Variants in AKR1E2 observed in about 807,000 individuals in gnomAD.
AKR1E2 encodes the protein 1,5-anhydro-D-fructose reductase.
A neutral mutation model predicts 41.9 loss-of-function variants in AKR1E2; 43 were observed. The observed-to-expected ratio is 1.03, with a 90% CI of 0.80 to 1.32. The LOEUF is 1.32. Among genes scored for constraint, AKR1E2 ranks in the 40% most tolerant of loss-of-function variants. The probability of loss-of-function intolerance (pLI) is 0.00; values close to 1 mark genes in which losing one functional copy is unlikely to be tolerated. For synonymous variants in AKR1E2, 121 were observed against 138.9 expected (o/e 0.87, Z 0.91); for missense variants, 423 against 396.5 (o/e 1.07, Z -0.57).
At chr10:4,826,575 G>A (rs574204859) in intron 1 of AKR1E2, among the ~76,000 whole-genome samples, 4 of 152,200 alleles carry the variant, frequency 2.6e-5, no homozygotes, top group Admixed American at 1.3e-4. Flanking sequence ...GCTGCCCGCC[G>A]AGGCGCTCTC....
chr10:4,836,299 A>G (rs1833412273), intron 4 of AKR1E2, among the ~76,000 whole-genome samples: 2 of 152,058 alleles, frequency 1.3e-5, no homozygotes, highest in African/African-American at 2.4e-5. Flanking sequence ...GTGTCAGCCC[A>G]TTTCCAGGGT....
intron 6 of AKR1E2, among the ~76,000 whole-genome samples, 186 bp from the exon 7 acceptor site, chr10:4,841,599 C>T (rs1833878509): frequency 6.6e-6 from 1 of 152,094 alleles, no homozygotes; most frequent in Non-Finnish European, 1.5e-5. Context: ...AAAGTGTTAG[C>T]AGTGGTTATC....
intron 8 of AKR1E2, chr10:4,846,146 C>G: frequency 7.2e-6 from 2 of 276,506 alleles, no homozygotes; most frequent in South Asian, 3.5e-5. Flanking sequence ...CCCACTACCT[C>G]CAGATGACAC....
chr10:4,858,250 C>T, the AKR1E2 span, among the ~76,000 whole-genome samples: 1 of 152,058 alleles, frequency 6.6e-6, no homozygotes, highest in Non-Finnish European at 1.5e-5. Context: ...CAATTTTAGG[C>T]CATTTGAAAA....
chr10:4,870,074 C>T, the AKR1E2 span, among the ~76,000 whole-genome samples: 1 of 152,102 alleles, frequency 6.6e-6, no homozygotes, highest in African/African-American at 2.4e-5. Flanking sequence ...TTGATTAATA[C>T]ATAGCATTTT....
the AKR1E2 span, among the ~76,000 whole-genome samples, chr10:4,854,695 G>A: frequency 6.6e-6 from 1 of 152,132 alleles, no homozygotes; most frequent in Non-Finnish European, 1.5e-5. Context: ...CGGACTTTGG[G>A]TAAGTGGGGT....
the AKR1E2 span, among the ~76,000 whole-genome samples, chr10:4,861,661 G>T: frequency 1.3e-5 from 2 of 152,052 alleles, no homozygotes; most frequent in Non-Finnish European, 2.9e-5. Flanking sequence ...GAACCACCGC[G>T]CCTGGCCAAT....
intron 6 of AKR1E2, 101 bp from the exon 7 acceptor site, chr10:4,841,684 G>C (rs1055816497): frequency 1.1e-6 from 1 of 935,304 alleles, no homozygotes; most frequent in Admixed American, 3.1e-5. Flanking sequence ...GTCATGATCA[G>C]AAAATAAATC....
the AKR1E2 span, among the ~76,000 whole-genome samples, chr10:4,853,451 A>G: frequency 7.0e-6 from 1 of 143,318 alleles, no homozygotes; most frequent in Non-Finnish European, 1.6e-5. Context: ...CCAAAAAAAA[A>G]AAAAAAACCA....
chr10:4,865,907 T>C, the AKR1E2 span, among the ~76,000 whole-genome samples: 1 of 152,180 alleles, frequency 6.6e-6, no homozygotes, highest in Non-Finnish European at 1.5e-5. Context: ...TTTGGAATTC[T>C]GGGGGAAAAT....
chr10:4,860,629 G>A, the AKR1E2 span, among the ~76,000 whole-genome samples: 3 of 152,078 alleles, frequency 2.0e-5, no homozygotes, highest in South Asian at 2.1e-4. Flanking sequence ...TTACTAATAC[G>A]ATGTATACAT....
chr10:4,854,112 TA>T, the AKR1E2 span, among the ~76,000 whole-genome samples: 1 of 149,308 alleles, frequency 6.7e-6, no homozygotes, highest in Non-Finnish European at 1.5e-5. Context: ...TTTTTTTTTT[TA>T]GACAGAGTCA....
At chr10:4,856,920 C>A in the AKR1E2 span, among the ~76,000 whole-genome samples, 1 of 150,412 alleles carries the variant, frequency 6.6e-6, no homozygotes, top group Non-Finnish European at 1.5e-5. Flanking sequence ...CATTGTTGTG[C>A]AACCATCACC....
chr10:4,825,413 C>T (rs1324284160), upstream of AKR1E2, among the ~76,000 whole-genome samples: 1 of 152,158 alleles, frequency 6.6e-6, no homozygotes, highest in Non-Finnish European at 1.5e-5. Flanking sequence ...CCCTCTTTCC[C>T]TCCACTGGCC....
chr10:4,837,380 C>T (rs1833510931), intron 4 of AKR1E2, 79 bp from the exon 5 acceptor site: 1 of 1,522,902 alleles, frequency 6.6e-7, no homozygotes, highest in Non-Finnish European at 8.9e-7. Flanking sequence ...TTTAGAATAC[C>T]ATACAGAACT....
chr10:4,833,561 TC>T, intron 3 of AKR1E2, 95 bp downstream of exon 3: 1 of 1,083,048 alleles, frequency 9.2e-7, no homozygotes, highest in Non-Finnish European at 1.4e-6. Context: ...GGACCAGCAT[TC>T]AGGGCAGGGG....
At chr10:4,827,941 GT>G (rs2131485581) in intron 1 of AKR1E2, among the ~76,000 whole-genome samples, 1 of 152,206 alleles carries the variant, frequency 6.6e-6, no homozygotes, top group East Asian at 1.9e-4. Context: ...AGTGAAAACT[GT>G]GCTTAACAGG....
At chr10:4,864,291 C>G in the AKR1E2 span, among the ~76,000 whole-genome samples, 1 of 152,136 alleles carries the variant, frequency 6.6e-6, no homozygotes, top group African/African-American at 2.4e-5. Flanking sequence ...CCCTGGGATG[C>G]AAGGCTGGTT....
intron 1 of AKR1E2, 79 bp downstream of exon 1, chr10:4,826,442 G>A (rs915387215): frequency 1.7e-6 from 2 of 1,188,608 alleles, no homozygotes; most frequent in Non-Finnish European, 2.1e-6. Flanking sequence ...GACCCAGGCC[G>A]GGGCTGGGGA....
Sources: allele counts gnomAD v4.1 joint callset (sites outside exome capture counted in the v4.1 genomes callset), GRCh38; gene constraint gnomAD v4.1.1; transcripts MANE v1.5; gene names NCBI Gene and HGNC (gene_info 2026-07-23, HGNC 2026-07-21).